PCCA: variants seen among roughly 807,000 people sequenced by gnomAD.
PCCA encodes propionyl-CoA carboxylase alpha chain, mitochondrial.
In PCCA, 74 loss-of-function variants were observed where a neutral mutation model predicts 101.3. That is an observed-to-expected ratio of 0.73 (90% confidence interval 0.61 to 0.89). The LOEUF (loss-of-function observed/expected upper bound fraction) is 0.89, where lower values mean the gene tolerates loss of function less well. Ranked by LOEUF, PCCA falls within the 40% of genes least tolerant of loss-of-function variation. The pLI, the probability that PCCA is intolerant of heterozygous loss-of-function variation, is 0.00. For synonymous variants in PCCA, 294 were observed against 313.6 expected (o/e 0.94, Z 0.66); for missense variants, 891 against 907.0 (o/e 0.98, Z 0.23).
intron 6 of PCCA, among the ~76,000 whole-genome samples, chr13:100,164,939 T>C (rs574404692): frequency 5.3e-5 from 8 of 152,284 alleles, no homozygotes; most frequent in East Asian, 1.9e-4. Context: ...TGGAATCATA[T>C]AAGATTTGTT....
intron 17 of PCCA, among the ~76,000 whole-genome samples, chr13:100,335,567 A>G (rs2152743646): frequency 1.3e-5 from 2 of 152,240 alleles, no homozygotes; most frequent in African/African-American, 4.8e-5. Context: ...AATTTTCTCC[A>G]TATCACTTCC....
At chr13:100,282,299 C>T (rs1273798961) in intron 12 of PCCA, among the ~76,000 whole-genome samples, 1 of 152,254 alleles carries the variant, frequency 6.6e-6, no homozygotes, top group Non-Finnish European at 1.5e-5. Context: ...TCCTCAGAGC[C>T]CTCGCTCGCT....
intron 21 of PCCA, among the ~76,000 whole-genome samples, chr13:100,495,106 G>A (rs1566455545): frequency 6.6e-6 from 1 of 151,906 alleles, no homozygotes; most frequent in African/African-American, 2.4e-5. Context: ...AGCTGGGAGG[G>A]AGTGCTATGG....
intron 19 of PCCA, among the ~76,000 whole-genome samples, 157 bp downstream of exon 19, chr13:100,368,731 TG>T (rs2075380148): frequency 6.6e-6 from 1 of 152,212 alleles, no homozygotes; most frequent in African/African-American, 2.4e-5. Flanking sequence ...TGGAAATTTT[TG>T]TTCTCTTATG....
intron 8 of PCCA, among the ~76,000 whole-genome samples, chr13:100,247,257 G>T (rs1363935534): frequency 7.5e-6 from 1 of 132,672 alleles, no homozygotes; most frequent in South Asian, 2.4e-4. Context: ...TCACTCTGTC[G>T]CCCAGACGGG....
chr13:100,102,733 C>T (rs2047384458), intron 1 of PCCA, 150 bp from the exon 2 acceptor site: 1 of 635,848 alleles, frequency 1.6e-6, no homozygotes, highest in South Asian at 1.8e-5. Context: ...ATATGATTTC[C>T]CTTTTGTAAT....
chr13:100,527,342 C>G (rs1487953102), intron 22 of PCCA: 1 of 486,586 alleles, frequency 2.1e-6, no homozygotes, highest in Non-Finnish European at 4.2e-6. Context: ...CTGGACATTT[C>G]AGGTAAGTGG....
intron 6 of PCCA, among the ~76,000 whole-genome samples, chr13:100,200,548 A>G (rs1247867778): frequency 6.6e-6 from 1 of 151,794 alleles, no homozygotes; most frequent in Non-Finnish European, 1.5e-5. Context: ...AGGAAAAAAA[A>G]TATACATATA....
Position 100,365,285 on chromosome 13 carries a change from A to G in PCCA, c.1644-3187A>G, listed in dbSNP as rs543057495. Among the ~76,000 whole-genome samples the G allele has an allele frequency of 5.1e-3, 772 of 152,346 alleles. 1 individual carries two copies. The highest frequency in any genetic ancestry group is 7.7e-3 in the Non-Finnish European group (522 of 68,034). Reference sequence around the variant, plus strand: ...CTTTCCATAAGGCCCCTCCTGGGACAAATTATAATATATATGAAACAGATG... The same window carrying G: ...CTTTCCATAAGGCCCCTCCTGGGACGAATTATAATATATATGAAACAGATG... On this transcript the variant is annotated intron_variant, in intron 18 of 23. Transcript: ENST00000376285.
At position 100,336,603 on chromosome 13, in the gene PCCA, G is replaced by A. The variant is rs190803644; in HGVS notation, c.1541-3554G>A. Among the ~76,000 whole-genome samples, 7 of 152,296 alleles carry A rather than the reference G, an allele frequency of 4.6e-5. 1 individual carries two copies. The highest frequency in any genetic ancestry group is 1.7e-4 in the African/African-American group (7 of 41,556). On this transcript the variant is annotated intron_variant, in intron 17 of 23. Coordinates refer to ENST00000376285, the MANE Select transcript of PCCA (RefSeq NM_000282.4). ...TTAAGAAGGTAAGAGTTAGTTGTGA[G>A]GAGGAAGGTTTTTCTTCTTTCAGTC...
At chr13:100,469,226 A>AAAAAAAAAAAT in intron 21 of PCCA, among the ~76,000 whole-genome samples, 1 of 150,646 alleles carries the variant, frequency 6.6e-6, no homozygotes, top group African/African-American at 2.4e-5. Flanking sequence ...AAAAAAAAAA[A>AAAAAAAAAAAT]AGAATCCCTT....
chr13:100,285,701 A>T (rs1420900456), intron 12 of PCCA, among the ~76,000 whole-genome samples: 1 of 152,116 alleles, frequency 6.6e-6, no homozygotes, highest in East Asian at 1.9e-4. Context: ...CAACCCTGCC[A>T]CTTTTCTCCC....
chr13:100,422,251 A>C (rs1483008708), intron 19 of PCCA, among the ~76,000 whole-genome samples: 2 of 150,238 alleles, frequency 1.3e-5, no homozygotes, highest in African/African-American at 4.9e-5. Context: ...CCCCTGCCTC[A>C]GACTCCTGAG....
At chr13:100,377,715 C>G (rs1391350854) in intron 19 of PCCA, among the ~76,000 whole-genome samples, 1 of 152,010 alleles carries the variant, frequency 6.6e-6, no homozygotes, top group Non-Finnish European at 1.5e-5. Context: ...AGGATGGTCT[C>G]GATCTCCTGA....
intron 4 of PCCA, among the ~76,000 whole-genome samples, chr13:100,138,374 A>G (rs2051435020): frequency 6.6e-6 from 1 of 152,174 alleles, no homozygotes; most frequent in African/African-American, 2.4e-5. Flanking sequence ...TCTTACCATC[A>G]TGCAGGTATC....
chr13:100,183,229 A>G (rs1452196693), intron 6 of PCCA, among the ~76,000 whole-genome samples: 4 of 152,144 alleles, frequency 2.6e-5, no homozygotes, highest in African/African-American at 9.7e-5. Context: ...ATTTATTCCT[A>G]TCATAAATAC....
chr13:100,139,220 G>T (rs1369578227), intron 4 of PCCA, among the ~76,000 whole-genome samples: 1 of 151,492 alleles, frequency 6.6e-6, no homozygotes, highest in African/African-American at 2.4e-5. Context: ...ATTTCTTTTT[G>T]TTACCCTGTT....
intron 21 of PCCA, among the ~76,000 whole-genome samples, chr13:100,488,742 C>T (rs1057003532): frequency 6.6e-6 from 1 of 151,114 alleles, no homozygotes; most frequent in Non-Finnish European, 1.5e-5. Context: ...GGAGTTTGAG[C>T]CTGCAGTGAG....
At chr13:100,198,502 TC>T (rs1225000008) in intron 6 of PCCA, 10 of 151,532 alleles carry the variant, frequency 6.6e-5, no homozygotes, top group African/African-American at 2.2e-4. Context: ...ATTCATTCAT[TC>T]ATTCATTCAT....
Sources: allele counts gnomAD v4.1 joint callset (sites outside exome capture counted in the v4.1 genomes callset), GRCh38; gene constraint gnomAD v4.1.1; transcripts MANE v1.5; gene names NCBI Gene and HGNC (gene_info 2026-07-23, HGNC 2026-07-21).